CD163L1: variants seen among roughly 807,000 people sequenced by gnomAD.
The protein encoded by CD163L1 is CD163 molecule like 1.
A neutral mutation model predicts 165.4 loss-of-function variants in CD163L1; 124 were observed. That is an observed-to-expected ratio of 0.75 (90% confidence interval 0.65 to 0.87). The LOEUF (loss-of-function observed/expected upper bound fraction) is 0.87, where lower values mean the gene tolerates loss of function less well. CD163L1 is among the 40% of genes least tolerant of loss of function. The pLI is 0.00. For missense variants in CD163L1, 1,525 were observed against 1,799.9 expected, an observed-to-expected ratio of 0.85 and a Z score of 2.76; for synonymous variants, 585 against 662.2, an observed-to-expected ratio of 0.88 and a Z score of 1.79.
At chr12:7,350,962 C>T (rs1359510211), downstream of CD163L1, among the ~76,000 whole-genome samples, 1 of 151,942 alleles carries the variant, frequency 6.6e-6, no homozygotes, top group Non-Finnish European at 1.5e-5. Flanking sequence ...AATTATCAAA[C>T]AAAAATATAA....
intron 2 of CD163L1, among the ~76,000 whole-genome samples, chr12:7,440,684 G>C (rs1189577766): frequency 2.7e-5 from 4 of 150,456 alleles, no homozygotes; most frequent in Non-Finnish European, 5.9e-5. Context: ...TGGAGTGTAG[G>C]GGCACGATCT....
intron 8 of CD163L1, among the ~76,000 whole-genome samples, chr12:7,388,680 G>A (rs2136469725): frequency 6.7e-6 from 1 of 150,336 alleles, no homozygotes; most frequent in Middle Eastern, 3.4e-3. Context: ...GGAGGTCGAG[G>A]CTGCAGTGAG....
At chr12:7,395,899 T>C (rs1246560074) in intron 8 of CD163L1, among the ~76,000 whole-genome samples, 196 bp downstream of exon 8, 1 of 152,166 alleles carries the variant, frequency 6.6e-6, no homozygotes, top group Non-Finnish European at 1.5e-5. Flanking sequence ...TATCAGAAAA[T>C]GAAGTTTCAT....
the CD163L1 span, chr12:7,322,640 T>TACA: frequency 7.0e-7 from 1 of 1,437,518 alleles, no homozygotes; most frequent in Non-Finnish European, 9.3e-7. Flanking sequence ...ACTGTAAATT[T>TACA]TTATAGAGTT....
At chr12:7,444,008 A>G in intron 1 of CD163L1, 89 bp downstream of exon 1, 1 of 1,272,930 alleles carries the variant, frequency 7.9e-7, no homozygotes, top group African/African-American at 1.5e-5. Flanking sequence ...ACCTTACTAC[A>G]TAATATTTAT....
chr12:7,375,466 C>T lies in CD163L1; in HGVS notation c.2816G>A (p.Arg939Lys), dbSNP rs759649239. 6.2e-7 allele frequency: 1 copy of T among 1,614,204 alleles called. No homozygotes were observed. Among genetic ancestry groups the T allele is most frequent in the Middle Eastern group, 1.6e-4 (1 of 6,062 alleles). ...WDPEDARVLC[R>K]QLSCGTALST... ...GAGAGCAGTCCCACAGCTGAGCTGTCTGCATAGAACACGGGCATCTTCTGG... is the reference window on the plus strand; with the variant it reads ...GAGAGCAGTCCCACAGCTGAGCTGTTTGCATAGAACACGGGCATCTTCTGG... The change falls in exon 11 of 20, where the codon AGA becomes AAA. Residue 939 changes from arginine to lysine, a missense_variant. Arg to Lys is a conservative substitution (Grantham distance 26). Transcript: ENST00000313599.
At chr12:7,426,596 A>G (rs1948547680) in intron 4 of CD163L1, among the ~76,000 whole-genome samples, 1 of 152,120 alleles carries the variant, frequency 6.6e-6, no homozygotes, top group South Asian at 2.1e-4. Flanking sequence ...AGAAATCACT[A>G]CTAAAGAACT....
intron 4 of CD163L1, among the ~76,000 whole-genome samples, chr12:7,412,180 A>T (rs1224903983): frequency 6.6e-6 from 1 of 152,250 alleles, no homozygotes; most frequent in Non-Finnish European, 1.5e-5. Context: ...TTGTCCTCAC[A>T]ATTCATTTTA....
the CD163L1 span, among the ~76,000 whole-genome samples, chr12:7,337,705 T>G: frequency 1.3e-3 from 201 of 152,308 alleles, 1 homozygote; most frequent in East Asian, 0.02. Flanking sequence ...AGGAACGCTT[T>G]TACACTGTTA....
At chr12:7,322,509 G>T in the CD163L1 span, 2 of 1,613,888 alleles carry the variant, frequency 1.2e-6, no homozygotes, top group African/African-American at 1.3e-5. Flanking sequence ...AACTGGGCTG[G>T]AGCTATATGA....
At chr12:7,357,357 A>T (rs375127345) in intron 19 of CD163L1, 23 bp downstream of exon 19, 20 of 1,492,016 alleles carry the variant, frequency 1.3e-5, no homozygotes, top group Non-Finnish European at 1.8e-5. Flanking sequence ...TAGTTTTAGT[A>T]GGAACAATAC....
At chr12:7,331,612 A>G in the CD163L1 span, among the ~76,000 whole-genome samples, 4 of 152,200 alleles carry the variant, frequency 2.6e-5, no homozygotes, top group Non-Finnish European at 5.9e-5. Flanking sequence ...AGGCAGCAGC[A>G]TTTGCGGTTC....
chr12:7,439,686 T>A (rs1285355207), intron 2 of CD163L1: 5 of 1,612,716 alleles, frequency 3.1e-6, no homozygotes, highest in Non-Finnish European at 2.5e-6. Context: ...CAAGAAGCAC[T>A]TCTTTACAGT....
chr12:7,324,903 T>C, the CD163L1 span, among the ~76,000 whole-genome samples: 2 of 152,210 alleles, frequency 1.3e-5, no homozygotes, highest in African/African-American at 4.8e-5. Flanking sequence ...CAAAGGTTCA[T>C]GTGAGGTTGG....
At chr12:7,415,803 G>A (rs541651179) in intron 4 of CD163L1, among the ~76,000 whole-genome samples, 7 of 152,186 alleles carry the variant, frequency 4.6e-5, no homozygotes, top group East Asian at 3.9e-4. Context: ...TACGTGCCAC[G>A]TTTTCTTTAT....
chr12:7,357,581 T>A (rs1048097967), intron 18 of CD163L1, 95 bp from the exon 19 acceptor site: 1 of 935,958 alleles, frequency 1.1e-6, no homozygotes, highest in Non-Finnish European at 1.7e-6. Flanking sequence ...GCTGGGAAAG[T>A]ATAATAGAGC....
rs117228111 is a variant in CD163L1, at chr12:7,419,657, G to C, written c.766+12759C>G. 3.7e-3 allele frequency among the ~76,000 whole-genome samples: 566 copies of C among 152,136 alleles called. 29 individuals are homozygous for C. In the East Asian group the frequency reaches 0.07, roughly 19 times the overall value. On this transcript the variant is annotated intron_variant, in intron 4 of 19. Transcript: ENST00000313599. ...AGAACTGATAAAAGAATTCAGCAAA[G>C]TTACAGGATACAAAATTAATGTATA...
intron 2 of CD163L1, among the ~76,000 whole-genome samples, chr12:7,434,230 AG>A (rs1948683543): frequency 1.3e-5 from 2 of 150,662 alleles, no homozygotes; most frequent in South Asian, 4.1e-4. Context: ...GCCTTGCAGG[AG>A]GAGAAGACCT....
rs767014326 is a variant in CD163L1 at position 7,405,261 on chromosome 12, A to G, written c.1087+1271T>C. On this transcript the variant is annotated intron_variant, in intron 5 of 19. Transcript: ENST00000313599. Reference sequence around the variant, plus strand: ...CATTGTAAGAAAATTTATCAAAATGATTAAGATTCTCTCTGTTTCCTTCCC... The same window carrying G: ...CATTGTAAGAAAATTTATCAAAATGGTTAAGATTCTCTCTGTTTCCTTCCC... Among the ~76,000 whole-genome samples, 78 of 152,252 alleles carry G rather than the reference A, an allele frequency of 5.1e-4. 1 individual carries two copies. The highest frequency in any genetic ancestry group is 7.2e-4 in the Admixed American group (11 of 15,268).
Sources: gnomAD v4.1 joint callset for allele counts (sites outside exome capture counted in the v4.1 genomes callset) on GRCh38, gnomAD v4.1.1 for gene constraint, MANE v1.5 for transcripts, NCBI Gene and HGNC (gene_info 2026-07-23, HGNC 2026-07-21) for gene names.